The following ANKRD23 variants were observed in gnomAD, a reference collection of about 807,000 sequenced individuals.
ANKRD23 encodes ankyrin repeat domain 23.
Under a neutral mutation model 38.1 loss-of-function variants are expected in ANKRD23, and 52 were observed. The observed-to-expected ratio is 1.36, with a 90% CI of 1.09 to 1.72. The LOEUF (loss-of-function observed/expected upper bound fraction) is 1.72. Ranked by LOEUF, ANKRD23 falls within the 40% of genes most tolerant of loss-of-function variation. ANKRD23 has a pLI of 0.00. For missense variants in ANKRD23, 416 were observed against 400.2 expected (o/e 1.04, Z -0.34); for synonymous variants, 167 against 162.9 (o/e 1.03, Z -0.19).
intron 7 of ANKRD23, 61 bp downstream of exon 7, chr2:96,839,936 C>T (rs1241707695): frequency 6.5e-7 from 1 of 1,549,318 alleles, no homozygotes; most frequent in East Asian, 2.4e-5. Flanking sequence ...CTGGCTGGGG[C>T]TCCTCAGTCC....
chr2:96,842,599 T>TA, intron 1 of ANKRD23, 88 bp from the exon 2 acceptor site: 1 of 1,474,316 alleles, frequency 6.8e-7, no homozygotes, highest in Non-Finnish European at 9.1e-7. Context: ...AGCTGTCTTA[T>TA]AAGGGCAGAT....
chr2:96,840,611 G>A (rs752410500), intron 4 of ANKRD23, 97 bp from the exon 5 acceptor site: 40 of 1,521,292 alleles, frequency 2.6e-5, no homozygotes, highest in Non-Finnish European at 3.4e-5. Context: ...GAATGGAATT[G>A]CCACTTCCCC....
chr2:96,842,000 C>T (rs1378420835), intron 3 of ANKRD23, 60 bp downstream of exon 3: 8 of 1,610,176 alleles, frequency 5.0e-6, no homozygotes, highest in Non-Finnish European at 6.8e-6. Flanking sequence ...TGCCCCAAGC[C>T]CTTCCTCTGG....
chr2:96,841,138 T>C (rs2079756240), intron 3 of ANKRD23: 2 of 519,500 alleles, frequency 3.8e-6, no homozygotes, highest in African/African-American at 3.9e-5. Context: ...AAGATTCGTA[T>C]GAAGTACTAA....
rs1401924682 is a variant in ANKRD23 at position 96,838,830 on chromosome 2, G to T, written c.*719C>A. ...GCGCGCTCCAGCTCATCAGTCTTAG[G>T]GCTTCTGAGGCAACCTAGTGGGTCC... On this transcript the variant is annotated 3_prime_UTR_variant, in exon 9 of 9. Coordinates refer to ENST00000318357, the MANE Select transcript of ANKRD23 (RefSeq NM_144994.8). 1 of 985,380 alleles carries T rather than the reference G, an allele frequency of 1.0e-6. No homozygotes were observed. Among genetic ancestry groups the T allele is most frequent in the Non-Finnish European group, 1.2e-6 (1 of 830,008 alleles). The allele number at this position is 985,380 out of a possible 1,614,324, so 61.0% of individuals were successfully genotyped here.
Position 96,840,291 on chromosome 2 carries a change from G to T in ANKRD23, c.565C>A (p.His189Asn). 6.2e-7 allele frequency: 1 copy of T among 1,610,228 alleles called. No homozygotes were observed. Among genetic ancestry groups the T allele is most frequent in the Non-Finnish European group, 8.5e-7 (1 of 1,178,032 alleles). Residue 189 changes from histidine to asparagine, a missense_variant, in exon 6 of 9, where the codon CAT becomes AAT. His to Asn is a moderately conservative substitution (Grantham distance 68, BLOSUM62 1). Transcript: ENST00000318357. ...TPVFWACRGG[H>N]LVILKQLLNQ... ...AGCAGCTGTTTGAGGATGACCAGAT[G>T]TCCTCCGCGGCAGGCCCAGAACACA...
At position 96,839,739 on chromosome 2, in the gene ANKRD23, C is replaced by T. The variant is rs1298521263; in HGVS notation, c.810G>A (p.Gly270=). 6.8e-6 allele frequency: 11 copies of T among 1,613,116 alleles called. No individual in the cohort carries two copies. The highest frequency in any genetic ancestry group is 1.1e-5 in the South Asian group (1 of 91,038). ...CGCCCACACTCACCGCGTTCCGCAC[C>T]CCCAGCTCGGCCCCATAGAGCAGCA... ...KLLLLYGAEL[G]VRNAASVTPV... is the part of the protein sequence containing the mutation. The change falls in exon 8 of 9, where the codon GGG becomes GGA. Residue 270 remains glycine (G), a synonymous_variant. Transcript: ENST00000318357.
chr2:96,843,321 G>A (rs1339614508), intron 1 of ANKRD23, among the ~76,000 whole-genome samples: 2 of 152,000 alleles, frequency 1.3e-5, no homozygotes, highest in African/African-American at 2.4e-5. Flanking sequence ...CCCACAGATG[G>A]GCTTGCTGGG....
At chr2:96,840,191 C>T (rs990496445) in intron 6 of ANKRD23, 41 bp downstream of exon 6, 2 of 1,586,698 alleles carry the variant, frequency 1.3e-6, no homozygotes, top group African/African-American at 2.7e-5. Context: ...AGCGTCTGCT[C>T]CCGTGTTCCC....
At chr2:96,842,662 A>G in intron 1 of ANKRD23, 151 bp from the exon 2 acceptor site, 2 of 972,962 alleles carry the variant, frequency 2.1e-6, no homozygotes, top group Non-Finnish European at 2.9e-6. Context: ...CCTGCAGTCC[A>G]GAGTGCTGGC....
chr2:96,840,954 G>T, intron 3 of ANKRD23, 42 bp from the exon 4 acceptor site: 1 of 1,602,452 alleles, frequency 6.2e-7, no homozygotes, highest in Non-Finnish European at 8.5e-7. Flanking sequence ...CCCGAAGGCC[G>T]CAGGTGCCCA....
chr2:96,838,667 A>G lies in ANKRD23; in HGVS notation c.*882T>C. 5.1e-6 allele frequency: 5 copies of G among 985,524 alleles called. No individual in the cohort carries two copies. The highest frequency in any genetic ancestry group is 4.8e-6 in the Non-Finnish European group (4 of 829,980). The allele number at this position is 985,524 out of a possible 1,614,324, so 61.0% of individuals were successfully genotyped here. ...CTCAGGCAAACTAGGGTTACGGGCCACTGCCCCAAGAGTTGAGTGGGCCAC... is the reference window on the plus strand; with the variant it reads ...CTCAGGCAAACTAGGGTTACGGGCCGCTGCCCCAAGAGTTGAGTGGGCCAC... On this transcript the variant is annotated 3_prime_UTR_variant, in exon 9 of 9. Transcript: ENST00000318357.
At chr2:96,840,676 G>T in intron 4 of ANKRD23, 111 bp downstream of exon 4, 1 of 1,541,338 alleles carries the variant, frequency 6.5e-7, no homozygotes, top group Non-Finnish European at 8.9e-7. Flanking sequence ...CTGGATTCAT[G>T]CCCATAAGAG....
At position 96,839,199 on chromosome 2, in the gene ANKRD23, G is replaced by T; in HGVS notation, c.*350C>A. 1 of 1,056,702 alleles carries T rather than the reference G, an allele frequency of 9.5e-7. No homozygotes were observed. The highest frequency in any genetic ancestry group is 1.1e-6 in the Non-Finnish European group (1 of 876,822). 65.5% of individuals were successfully genotyped at this position (1,056,702 alleles called of 1,614,324 possible). A position where few individuals can be genotyped will look rare whatever the true frequency, so the allele number is the denominator to read the frequency against. The stretch of plus-strand genomic sequence containing the variant: ...TGGACACTGAGGACTCCCAGACCCA[G>T]CCCTGGGTGGCTCCAGCTTGGGACT... On this transcript the variant is annotated 3_prime_UTR_variant, in exon 9 of 9. Coordinates refer to ENST00000318357, the MANE Select transcript of ANKRD23 (RefSeq NM_144994.8).
rs1559020966 is a variant in ANKRD23 at position 96,839,788 on chromosome 2, C to CTT, written c.760_761insAA (p.Gly254GlufsTer7). 2.5e-6 allele frequency: 4 copies of CTT among 1,613,392 alleles called. No homozygotes were observed. In the East Asian group the frequency reaches 6.7e-5, roughly 27 times the overall value. Reference sequence around the variant, plus strand: ...CAGTAGCTTCATGGCTTTGTAGCTGCCGTGCCGCACGGCCTCGTGCAGAGC... The same window carrying CTT: ...CAGTAGCTTCATGGCTTTGTAGCTGCTTCGTGCCGCACGGCCTCGTGCAGAGC... On this transcript the variant is annotated frameshift_variant, in exon 8 of 9. Coordinates refer to ENST00000318357, the MANE Select transcript of ANKRD23 (RefSeq NM_144994.8). LOFTEE classifies it high-confidence loss of function.
intron 2 of ANKRD23, 25 bp downstream of exon 2, chr2:96,842,340 A>G: frequency 3.4e-6 from 5 of 1,462,810 alleles, no homozygotes; most frequent in African/African-American, 1.7e-5. Context: ...ACTGCCCCCA[A>G]CCCCGGCCCC....
intron 3 of ANKRD23, 111 bp downstream of exon 3, chr2:96,841,949 C>T: frequency 1.3e-6 from 2 of 1,499,370 alleles, no homozygotes; most frequent in Non-Finnish European, 1.8e-6. Context: ...AATGGGCTCC[C>T]CAGGCACTGG....
chr2:96,842,448 C>T lies in ANKRD23; in HGVS notation c.91G>A (p.Ala31Thr), dbSNP rs1197308329. 6.2e-7 allele frequency: 1 copy of T among 1,614,120 alleles called. No homozygotes were observed. Among genetic ancestry groups the T allele is most frequent in the Admixed American group, 1.7e-5 (1 of 60,020 alleles). Residue 31 changes from alanine (A) to threonine (T), a missense_variant, in exon 2 of 9, where the codon GCC (alanine) becomes ACC (threonine). By Grantham distance (58) the Ala-to-Thr change is moderately conservative. Transcript: ENST00000318357. The stretch of plus-strand genomic sequence containing the variant: ...CCCCTCCTCCAGTCACTAGGCCAGG[C>T]TCCAGGGTCAGGAACTCCATGTCCA... ...GFGHGVPDPG[A>T]WPSDWRRGPQ...
In ANKRD23 at chr2:96,842,435, T is replaced by G. The variant is rs772974883; in HGVS notation, c.104A>C (p.Asp35Ala). 1.9e-6 allele frequency: 3 copies of G among 1,613,214 alleles called. No individual in the cohort carries two copies. The highest frequency in any genetic ancestry group is 2.5e-6 in the Non-Finnish European group (3 of 1,179,968). The change falls in exon 2 of 9, where the codon GAC becomes GCC. Residue 35 changes from aspartate (D) to alanine (A), a missense_variant. Physicochemically the swap from Asp to Ala is moderately radical, Grantham distance 126 (BLOSUM62 -2). Transcript: ENST00000318357. The stretch of plus-strand genomic sequence containing the variant: ...AGCCTCTTGGGGGCCCCTCCTCCAG[T>G]CACTAGGCCAGGCTCCAGGGTCAGG... ...GVPDPGAWPSDWRRGPQEAVA... is the reference protein window; with the variant it reads ...GVPDPGAWPSAWRRGPQEAVA...
Sources: gnomAD v4.1 joint callset for allele counts (sites outside exome capture counted in the v4.1 genomes callset) on GRCh38, gnomAD v4.1.1 for gene constraint, MANE v1.5 for transcripts, NCBI Gene and HGNC (gene_info 2026-07-23, HGNC 2026-07-21) for gene names.